FAM133A: variants seen among roughly 807,000 people sequenced by gnomAD.
FAM133A encodes family with sequence similarity 133 member A.
For missense variants in FAM133A, 159 were observed against 164.4 expected (o/e 0.97, Z 0.18); for synonymous variants, 65 against 58.6 (o/e 1.11, Z -0.50).
At chrX:93,697,260 A>G (rs1197057785) in intron 2 of FAM133A, among the ~76,000 whole-genome samples, 1 of 108,208 alleles carries the variant, frequency 9.2e-6, no homozygotes, top group Non-Finnish European at 1.9e-5. Context: ...ACAGGTGGTC[A>G]GTGGGTATTA....
chrX:93,702,837 T>TA (rs33985910), intron 3 of FAM133A, among the ~76,000 whole-genome samples: 638 of 42,962 alleles, frequency 0.015, 25 homozygotes, highest in East Asian at 0.042. Flanking sequence ...ATAGCTATGA[T>TA]AAAAAAAAAA....
chrX:93,691,980 T>C (rs1252161434), intron 2 of FAM133A, among the ~76,000 whole-genome samples: 1 of 111,219 alleles, frequency 9.0e-6, no homozygotes, highest in Non-Finnish European at 1.9e-5. Flanking sequence ...TAAATGCTTC[T>C]TAGATGGAGG....
At chrX:93,688,444 G>T (rs1289174370) in intron 2 of FAM133A, among the ~76,000 whole-genome samples, 1 of 110,487 alleles carries the variant, frequency 9.1e-6, no homozygotes, top group African/African-American at 3.3e-5. Flanking sequence ...TTTTTTGAAT[G>T]GTAGTCTTGT....
Position 93,702,868 on chromosome X carries a change from AAAC to A in FAM133A, c.-104+4388_-104+4390del, listed in dbSNP as rs1430333173. Among the ~76,000 whole-genome samples the A allele has an allele frequency of 1.7e-3, 139 of 82,782 alleles. 1 individual carries two copies. Among genetic ancestry groups the A allele is most frequent in the Non-Finnish European group, 2.6e-3 (113 of 42,705 alleles). The allele number at this position is 82,782 out of a possible 115,157, so 71.9% of individuals were successfully genotyped here. A position where few individuals can be genotyped will look rare whatever the true frequency, so the allele number is the denominator to read the frequency against. On this transcript the variant is annotated intron_variant, in intron 3 of 3. Transcript: ENST00000683942. Reference sequence around the variant, plus strand: ...AAAAAAAAAAAAAAAAAAAAAAAAAAAACAACACTAGACAAACCCAAATTGAAA... The same window carrying A: ...AAAAAAAAAAAAAAAAAAAAAAAAAAAACACTAGACAAACCCAAATTGAAA...
In FAM133A at chrX:93,710,498, A is replaced by G; in HGVS notation, c.*332A>G. 5.6e-6 allele frequency: 1 copy of G among 178,515 alleles called. No individual in the cohort carries two copies. The highest frequency in any genetic ancestry group is 1.1e-5 in the Non-Finnish European group (1 of 88,602). The allele number at this position is 178,515 out of a possible 1,213,427, so 14.7% of individuals were successfully genotyped here. A position where few individuals can be genotyped will look rare whatever the true frequency, so the allele number is the denominator to read the frequency against. ...TCTTTGAAATATCACCATCAATGAA[A>G]CATAAATGTAATTTCCAGACAATTG... On this transcript the variant is annotated 3_prime_UTR_variant, in exon 4 of 4. Transcript: ENST00000683942.
rs1926426005 is a variant in FAM133A at position 93,698,086 on chromosome X, A to G, written c.-192-311A>G. 6.3e-5 allele frequency among the ~76,000 whole-genome samples: 7 copies of G among 111,343 alleles called. No individual in the cohort carries two copies. The Admixed American group carries it at 6.7e-4, about 11-fold the overall frequency. ...TGGTTTCAATAGGCAGTGAGGAAGG[A>G]ATACGTTAGGTAAACAATTATAGGT... On this transcript the variant is annotated intron_variant, in intron 2 of 3. Coordinates refer to ENST00000683942, the MANE Select transcript of FAM133A (RefSeq NM_001171109.2).
intron 3 of FAM133A, among the ~76,000 whole-genome samples, chrX:93,706,910 G>A (rs1361402908): frequency 1.8e-5 from 2 of 111,601 alleles, no homozygotes; most frequent in African/African-American, 6.5e-5. Flanking sequence ...CTGTCACTGG[G>A]CAAATAATTG....
intron 3 of FAM133A, among the ~76,000 whole-genome samples, chrX:93,706,917 A>G (rs1300322022): frequency 8.9e-6 from 1 of 111,802 alleles, no homozygotes; most frequent in African/African-American, 3.2e-5. Flanking sequence ...TGGGCAAATA[A>G]TTGTCCTTAA....
chrX:93,683,723 G>A (rs1022444623), intron 2 of FAM133A, among the ~76,000 whole-genome samples: 7 of 111,316 alleles, frequency 6.3e-5, no homozygotes, highest in Non-Finnish European at 9.4e-5. Context: ...GGGGTGAAAT[G>A]ATATCTCTTC....
intron 3 of FAM133A, among the ~76,000 whole-genome samples, chrX:93,706,397 T>C (rs1927044959): frequency 9.0e-6 from 1 of 111,632 alleles, no homozygotes; most frequent in Non-Finnish European, 1.9e-5. Context: ...TGGTGTTCAG[T>C]TGGATCCAGT....
intron 3 of FAM133A, among the ~76,000 whole-genome samples, chrX:93,707,317 A>T (rs1784953078): frequency 9.0e-6 from 1 of 111,513 alleles, no homozygotes; most frequent in Non-Finnish European, 1.9e-5. Context: ...GAACACAGAA[A>T]ATAAGATGTT....
At chrX:93,675,439 T>C (rs952285621) in intron 2 of FAM133A, among the ~76,000 whole-genome samples, 7 of 111,701 alleles carry the variant, frequency 6.3e-5, no homozygotes, top group Admixed American at 1.9e-4. Context: ...ATGGAAATAA[T>C]TGCCTTAATT....
At chrX:93,707,255 G>T (rs1172064057) in intron 3 of FAM133A, among the ~76,000 whole-genome samples, 1 of 111,529 alleles carries the variant, frequency 9.0e-6, no homozygotes, top group African/African-American at 3.3e-5. Flanking sequence ...GAAAATTACA[G>T]AAAGACCTAA....
At chrX:93,701,337 T>C (rs966369508) in intron 3 of FAM133A, among the ~76,000 whole-genome samples, 6 of 111,777 alleles carry the variant, frequency 5.4e-5, no homozygotes, top group Admixed American at 2.9e-4. Flanking sequence ...ATAAGATTTG[T>C]AATTTGAGGA....
chrX:93,703,689 C>T (rs896465884), intron 3 of FAM133A, among the ~76,000 whole-genome samples: 1 of 111,980 alleles, frequency 8.9e-6, no homozygotes, highest in Non-Finnish European at 1.9e-5. Context: ...GTGAAGTGCT[C>T]ATTTCTTTAA....
intron 3 of FAM133A, 130 bp from the exon 4 acceptor site, chrX:93,709,187 T>C (rs1376737135): frequency 6.6e-6 from 2 of 301,480 alleles, no homozygotes; most frequent in Middle Eastern, 9.3e-4. Flanking sequence ...ATATTGTTTG[T>C]TCCCATGGTA....
At chrX:93,702,468 A>C (rs1016912755) in intron 3 of FAM133A, among the ~76,000 whole-genome samples, 2 of 111,456 alleles carry the variant, frequency 1.8e-5, no homozygotes, top group Non-Finnish European at 3.8e-5. Flanking sequence ...TATAAAATTA[A>C]TACTCATGAA....
At chrX:93,706,998 A>G (rs1347735915) in intron 3 of FAM133A, among the ~76,000 whole-genome samples, 1 of 112,050 alleles carries the variant, frequency 8.9e-6, no homozygotes, top group East Asian at 2.8e-4. Flanking sequence ...TGTAAATCCC[A>G]CAGGAGAGAT....
chrX:93,709,897 A>G lies in FAM133A; in HGVS notation c.478A>G (p.Lys160Glu). 1 of 1,198,166 alleles carries G rather than the reference A, an allele frequency of 8.3e-7. No homozygotes were observed. The highest frequency in any genetic ancestry group is 1.1e-6 in the Non-Finnish European group (1 of 889,714). Reference protein sequence around the residue: ...ESESKESVKKKKKSKDETEKE... With the variant: ...ESESKESVKKEKKSKDETEKE... ...AGAGAGCAAGGAGTCTGTAAAAAAG[A>G]AAAAGAAGTCAAAGGATGAAACAGA... Residue 160 changes from lysine to glutamate, a missense_variant, in exon 4 of 4, where the codon AAA becomes GAA. Transcript: ENST00000683942.
Sources: allele counts gnomAD v4.1 joint callset (sites outside exome capture counted in the v4.1 genomes callset), GRCh38; gene constraint gnomAD v4.1.1; transcripts MANE v1.5; gene names NCBI Gene and HGNC (gene_info 2026-07-23, HGNC 2026-07-21).